Variants in ADISSP observed in about 807,000 individuals in gnomAD.
The protein encoded by ADISSP is adipose secreted signaling protein.
the ADISSP span, chr20:3,754,465 T>G: frequency 6.2e-7 from 1 of 1,614,004 alleles, no homozygotes; most frequent in Non-Finnish European, 8.5e-7. Context: ...TAGCAGTATC[T>G]CCTCTTTGAG....
chr20:3,767,630 A>C, the ADISSP span: 1 of 154,694 alleles, frequency 6.5e-6, no homozygotes, highest in Non-Finnish European at 1.4e-5. Context: ...ACGGGAAGGA[A>C]CCGGGAGGCA....
At chr20:3,766,343 C>T in the ADISSP span, among the ~76,000 whole-genome samples, 2 of 152,012 alleles carry the variant, frequency 1.3e-5, no homozygotes, top group African/African-American at 4.8e-5. Flanking sequence ...GTGGCAGCTT[C>T]ACATCAACTC....
chr20:3,753,940 A>G, the ADISSP span: 3 of 756,172 alleles, frequency 4.0e-6, no homozygotes, highest in East Asian at 8.0e-5. Flanking sequence ...GGGCAAGGCC[A>G]CTCCACCCCC....
the ADISSP span, among the ~76,000 whole-genome samples, chr20:3,765,724 C>A: frequency 6.6e-6 from 1 of 152,134 alleles, no homozygotes; most frequent in Non-Finnish European, 1.5e-5. Context: ...CCTCCTGCCT[C>A]CCCCTTCTCC....
the ADISSP span, chr20:3,760,037 C>G: frequency 1.2e-6 from 2 of 1,613,106 alleles, no homozygotes; most frequent in Non-Finnish European, 1.7e-6. Flanking sequence ...CCAGGGCCCA[C>G]CGGAAGAGCT....
At chr20:3,759,354 C>T in the ADISSP span, among the ~76,000 whole-genome samples, 1 of 152,232 alleles carries the variant, frequency 6.6e-6, no homozygotes, top group East Asian at 1.9e-4. This position sits in a 1 kb window ranked among gnomAD's most constrained non-coding sequence, Gnocchi z 4.6. Flanking sequence ...TCAAGGCCCT[C>T]AGCTGTCTCT....
At chr20:3,757,210 A>C in the ADISSP span, among the ~76,000 whole-genome samples, 1 of 151,712 alleles carries the variant, frequency 6.6e-6, no homozygotes, top group Non-Finnish European at 1.5e-5. Flanking sequence ...ATTAGCTGAG[A>C]GTGGTGGCAC....
At chr20:3,764,892 C>A in the ADISSP span, among the ~76,000 whole-genome samples, 3 of 152,246 alleles carry the variant, frequency 2.0e-5, no homozygotes, top group African/African-American at 4.8e-5. Flanking sequence ...GCACTTCCCT[C>A]TCCCTGGCCC....
chr20:3,760,376 C>T, the ADISSP span, among the ~76,000 whole-genome samples: 4 of 152,330 alleles, frequency 2.6e-5, no homozygotes, highest in African/African-American at 9.6e-5. Flanking sequence ...CACCAAGAGC[C>T]CTCACCCCTT....
At chr20:3,755,202 C>G in the ADISSP span, among the ~76,000 whole-genome samples, 1 of 152,176 alleles carries the variant, frequency 6.6e-6, no homozygotes, top group Non-Finnish European at 1.5e-5. Context: ...ACCAGTTCCT[C>G]AGCAGCTCCC....
the ADISSP span, chr20:3,754,396 C>G: frequency 6.2e-7 from 1 of 1,606,692 alleles, no homozygotes; most frequent in Non-Finnish European, 8.5e-7. Context: ...CACGCTCTCA[C>G]CCATGACGCG....
the ADISSP span, chr20:3,760,031 G>C: frequency 1.2e-6 from 2 of 1,610,282 alleles, no homozygotes; most frequent in Non-Finnish European, 1.7e-6. Flanking sequence ...CTCCTACCAG[G>C]GCCCACCGGA....
At chr20:3,757,122 G>A in the ADISSP span, among the ~76,000 whole-genome samples, 7 of 152,074 alleles carry the variant, frequency 4.6e-5, no homozygotes, top group South Asian at 2.1e-4. Context: ...AGGCCGACAC[G>A]GACGGATCAC....
the ADISSP span, among the ~76,000 whole-genome samples, chr20:3,762,707 C>T: frequency 1.3e-5 from 2 of 152,208 alleles, no homozygotes; most frequent in South Asian, 2.1e-4. Flanking sequence ...CATTCACTTA[C>T]ATGTTGTCTG....
At chr20:3,764,956 T>A in the ADISSP span, among the ~76,000 whole-genome samples, 1 of 152,202 alleles carries the variant, frequency 6.6e-6, no homozygotes, top group Admixed American at 6.5e-5. Context: ...GTCAGCTGGT[T>A]ACCTGTCCAT....
chr20:3,762,889 T>A, the ADISSP span, among the ~76,000 whole-genome samples: 1 of 150,482 alleles, frequency 6.6e-6, no homozygotes, highest in East Asian at 1.9e-4. Flanking sequence ...ACAACTGACC[T>A]GTTTTTTTCA....
At chr20:3,759,940 C>T in the ADISSP span, 3 of 1,388,784 alleles carry the variant, frequency 2.2e-6, no homozygotes, top group East Asian at 4.6e-5. This position sits in a 1 kb window ranked among gnomAD's most constrained non-coding sequence, Gnocchi z 4.6. Flanking sequence ...GTCCCAATCA[C>T]ATTCGCACAC....
the ADISSP span, chr20:3,760,189 G>T: frequency 2.7e-6 from 3 of 1,124,518 alleles, no homozygotes; most frequent in Non-Finnish European, 4.0e-6. Flanking sequence ...GCGGGAGCCT[G>T]AAGGATAGGG....
chr20:3,756,951 C>T, the ADISSP span, among the ~76,000 whole-genome samples: 5 of 151,818 alleles, frequency 3.3e-5, no homozygotes, highest in South Asian at 4.2e-4. Context: ...AGTGTGGACA[C>T]GGTGAGGCCA....
Sources: gnomAD v4.1 joint callset for allele counts (sites outside exome capture counted in the v4.1 genomes callset) on GRCh38, gnomAD v4.1.1 for gene constraint, Gnocchi (gnomAD v3.1) non-coding constraint, MANE v1.5 for transcripts, NCBI Gene and HGNC (gene_info 2026-07-23, HGNC 2026-07-21) for gene names.